NCOR1: variants seen among roughly 807,000 people sequenced by gnomAD.
NCOR1 encodes the protein protein phosphatase 1, regulatory subunit 109.
NCOR1 carries 63 observed loss-of-function variants against 288.1 expected under a neutral mutation model. The observed-to-expected ratio is 0.22, with a 90% confidence interval of 0.18 to 0.27. The LOEUF (loss-of-function observed/expected upper bound fraction) is 0.27, where lower values mean the gene tolerates loss of function less well. NCOR1 is among the 10% of genes least tolerant of loss of function. The pLI, the probability that NCOR1 is intolerant of heterozygous loss-of-function variation, is 1.00. For synonymous variants in NCOR1, 1,007 were observed against 1,065.9 expected (o/e 0.94, Z 1.08); for missense variants, 2,397 against 3,019.2 (o/e 0.79, Z 4.83).
intron 40 of NCOR1, among the ~76,000 whole-genome samples, chr17:16,053,732 C>T (rs2059582537): frequency 6.6e-6 from 1 of 151,992 alleles, no homozygotes; most frequent in Admixed American, 6.6e-5. Flanking sequence ...GCCTGAATAG[C>T]CAAGGCAATA....
intron 18 of NCOR1, among the ~76,000 whole-genome samples, chr17:16,116,182 T>C (rs1045919640): frequency 6.6e-6 from 1 of 152,210 alleles, no homozygotes; most frequent in African/African-American, 2.4e-5. Context: ...GCCTGCCCCA[T>C]GATTCAATTA....
intron 14 of NCOR1, among the ~76,000 whole-genome samples, chr17:16,137,044 C>A (rs966602399): frequency 6.6e-6 from 1 of 152,028 alleles, no homozygotes. Flanking sequence ...ATTGCTGACA[C>A]TGAAATGCAT....
chr17:16,080,656 C>T lies in NCOR1; in HGVS notation c.3249G>A (p.Val1083=), dbSNP rs76057169. The part of the protein sequence containing the change: ...SYTQETPKPS[V]GSISLGLPRQ... ...GTGGCAGTCCAAGAGAGATAGATCC[C>T]ACTGACGGCTTGGGTGTTTCTTGAG... Residue 1083 remains valine (V), a synonymous_variant, in exon 24 of 46, where the codon GTG becomes GTA. Transcript: ENST00000268712. 2,826 of 1,613,988 alleles carry T rather than the reference C, an allele frequency of 1.8e-3. 41 individuals carry two copies. In the African/African-American group the frequency reaches 0.031, roughly 18 times the overall value.
chr17:16,079,507 C>G (rs1194672269), intron 26 of NCOR1, among the ~76,000 whole-genome samples: 1 of 152,154 alleles, frequency 6.6e-6, no homozygotes, highest in African/African-American at 2.4e-5. Flanking sequence ...AATTGGAAGG[C>G]TTCTGGTGCT....
At chr17:16,064,270 G>A (rs2060872792) in intron 34 of NCOR1, 83 bp from the exon 35 acceptor site, 1 of 1,508,690 alleles carries the variant, frequency 6.6e-7, no homozygotes, top group Non-Finnish European at 8.9e-7. Flanking sequence ...CTAAGTGACT[G>A]AAAATTTTTC....
chr17:16,169,452 C>T (rs202115840), intron 4 of NCOR1, among the ~76,000 whole-genome samples: 1 of 152,062 alleles, frequency 6.6e-6, no homozygotes, highest in African/African-American at 2.4e-5. Flanking sequence ...TAACATTTAA[C>T]AAAAAATCTA....
In NCOR1 at chr17:16,130,154, T is replaced by C. The variant is rs142256278; in HGVS notation, c.1510-3948A>G. ...CCTCTGTATACTGACCAGGCAGTGG[T>C]GAGCGGAGAGGAAGTGCAGTCAGCA... On this transcript the variant is annotated intron_variant, in intron 14 of 45. Transcript: ENST00000268712. 4.1e-3 allele frequency among the ~76,000 whole-genome samples: 631 copies of C among 152,292 alleles called. 7 individuals are homozygous for C. The highest frequency in any genetic ancestry group is 0.015 in the African/African-American group (609 of 41,552).
intron 11 of NCOR1, among the ~76,000 whole-genome samples, chr17:16,142,747 T>C (rs2077330948): frequency 6.6e-6 from 1 of 152,140 alleles, no homozygotes; most frequent in South Asian, 2.1e-4. Context: ...TTGAGTTCTG[T>C]TTTGGGAAAG....
chr17:16,047,137 A>T, intron 41 of NCOR1, 44 bp from the exon 42 acceptor site: 1 of 1,552,938 alleles, frequency 6.4e-7, no homozygotes, highest in Non-Finnish European at 8.7e-7. Context: ...CGTACTCCTA[A>T]TCCTGGGGAC....
intron 23 of NCOR1, among the ~76,000 whole-genome samples, chr17:16,084,628 A>G (rs998562572): frequency 2.6e-5 from 4 of 152,238 alleles, no homozygotes; most frequent in African/African-American, 9.6e-5. Flanking sequence ...CAAGTAGATC[A>G]GTGGAACAGC....
intron 30 of NCOR1, among the ~76,000 whole-genome samples, chr17:16,070,855 C>A (rs192321045): frequency 6.6e-6 from 1 of 152,000 alleles, no homozygotes; most frequent in African/African-American, 2.4e-5. Context: ...CATGGAGAAA[C>A]CCTGTCTCTC....
chr17:16,084,770 T>C (rs949398554), intron 23 of NCOR1, among the ~76,000 whole-genome samples: 3 of 152,206 alleles, frequency 2.0e-5, no homozygotes, highest in African/African-American at 4.8e-5. Flanking sequence ...TAAAGATGAA[T>C]GTTAATCCTG....
Position 16,075,539 on chromosome 17 carries a change from T to C in NCOR1, c.3665A>G (p.Tyr1222Cys), listed in dbSNP as rs1278600466. The C allele has an allele frequency of 6.2e-7, 1 of 1,614,148 alleles. No homozygotes were observed. Among genetic ancestry groups the C allele is most frequent in the Non-Finnish European group, 8.5e-7 (1 of 1,179,994 alleles). Reference sequence around the variant, plus strand: ...TGCATACATACAATACTTACTATCATATGACAAGATATGTCCACTTTTGCC... The same window carrying C: ...TGCATACATACAATACTTACTATCACATGACAAGATATGTCCACTTTTGCC... The part of the protein sequence containing the change: ...YEGKSGHILS[Y>C]DNIKNAREGT... Residue 1222 changes from tyrosine to cysteine, a missense_variant, in exon 27 of 46, where the codon TAT becomes TGT. Tyr to Cys is a radical substitution (Grantham distance 194). This residue lies in a region of NCOR1 where 1,872 missense variants were observed against 2,187.8 expected (regional missense o/e 0.86). Transcript: ENST00000268712.
chr17:16,053,566 A>T (rs1449413923), intron 40 of NCOR1, among the ~76,000 whole-genome samples: 1 of 152,240 alleles, frequency 6.6e-6, no homozygotes, highest in African/African-American at 2.4e-5. Context: ...ATGAAAAAAC[A>T]TTCCATGCTC....
chr17:16,106,655 C>T lies in NCOR1; in HGVS notation c.2182+2131G>A, dbSNP rs185239911. Reference sequence around the variant, plus strand: ...ACAATAAACAGTGCATCTGTGCTGTCTCATTGAGATTAGGAATAAGTATGA... The same window carrying T: ...ACAATAAACAGTGCATCTGTGCTGTTTCATTGAGATTAGGAATAAGTATGA... On this transcript the variant is annotated intron_variant, in intron 19 of 45. Coordinates refer to ENST00000268712, the MANE Select transcript of NCOR1 (RefSeq NM_006311.4). 2.1e-3 allele frequency among the ~76,000 whole-genome samples: 312 copies of T among 151,850 alleles called. 1 individual carries two copies. The highest frequency in any genetic ancestry group is 7.3e-3 in the African/African-American group (304 of 41,414).
At chr17:16,099,400 AC>A (rs2067211383) in intron 20 of NCOR1, among the ~76,000 whole-genome samples, 1 of 152,246 alleles carries the variant, frequency 6.6e-6, no homozygotes, top group African/African-American at 2.4e-5. Flanking sequence ...ATTTAAAAAA[AC>A]AATTCACATA....
chr17:16,091,331 G>A (rs1426755665), intron 22 of NCOR1, among the ~76,000 whole-genome samples: 2 of 152,208 alleles, frequency 1.3e-5, no homozygotes, highest in African/African-American at 4.8e-5. Flanking sequence ...CAAGGTAGAC[G>A]TGTACTATTA....
At chr17:16,058,248 C>T in intron 38 of NCOR1, 184 bp from the exon 39 acceptor site, 1 of 861,410 alleles carries the variant, frequency 1.2e-6, no homozygotes, top group Non-Finnish European at 1.7e-6. Flanking sequence ...ACTAGTGGAA[C>T]AAAATATAAA....
At chr17:16,176,764 C>T (rs1317401778) in intron 3 of NCOR1, among the ~76,000 whole-genome samples, 1 of 151,992 alleles carries the variant, frequency 6.6e-6, no homozygotes, top group East Asian at 1.9e-4. Context: ...ACTCTTCCAC[C>T]TTGTGGAGCA....
Sources: gnomAD v4.1 joint callset for allele counts (sites outside exome capture counted in the v4.1 genomes callset) on GRCh38, gnomAD v4.1.1 for gene constraint, gnomAD v4.1.1 regional missense constraint, MANE v1.5 for transcripts, NCBI Gene and HGNC (gene_info 2026-07-23, HGNC 2026-07-21) for gene names.